ABR: variants seen among roughly 807,000 people sequenced by gnomAD.
The protein encoded by ABR is ABR activator of RhoGEF and GTPase.
Under a neutral mutation model 107.2 loss-of-function variants are expected in ABR, and 35 were observed. The ratio of observed to expected loss-of-function variants is 0.33; its 90% CI spans 0.25 to 0.43. The LOEUF (loss-of-function observed/expected upper bound fraction) is 0.43. ABR is among the 20% of genes least tolerant of loss of function. ABR has a pLI of 1.00. For synonymous variants in ABR, 498 were observed against 462.0 expected, an observed-to-expected ratio of 1.08 and a Z score of -1.00; for missense variants, 815 against 1,115.2, an observed-to-expected ratio of 0.73 and a Z score of 3.83.
chr17:1,105,052 AGGCTG>A (rs1386578825), intron 2 of ABR, among the ~76,000 whole-genome samples: 1 of 133,282 alleles, frequency 7.5e-6, no homozygotes, highest in Non-Finnish European at 1.5e-5. Flanking sequence ...TGTGTCACCC[AGGCTG>A]GAGTGCAGTG....
intron 13 of ABR, 86 bp downstream of exon 13, chr17:1,056,912 A>T (rs76519395): frequency 3.4e-6 from 3 of 875,590 alleles, no homozygotes; most frequent in Non-Finnish European, 3.8e-6. Context: ...TTACAGCCAC[A>T]TGTCTGTCTG....
chr17:1,136,795 G>A (rs1260503254), intron 1 of ABR, among the ~76,000 whole-genome samples: 1 of 152,168 alleles, frequency 6.6e-6, no homozygotes, highest in Non-Finnish European at 1.5e-5. Flanking sequence ...GAACGTTGTG[G>A]CTGGTTTGAT....
chr17:1,158,676 T>C (rs1401886994), intron 1 of ABR, among the ~76,000 whole-genome samples: 3 of 151,644 alleles, frequency 2.0e-5, no homozygotes, highest in Admixed American at 6.6e-5. Context: ...GGTAGGAGAA[T>C]TGCTTGAACC....
At chr17:1,168,642 G>A (rs2041600338) in intron 1 of ABR, among the ~76,000 whole-genome samples, 1 of 152,232 alleles carries the variant, frequency 6.6e-6, no homozygotes, top group Non-Finnish European at 1.5e-5. Context: ...GTCTAGCACA[G>A]CCACAGGCAG....
chr17:1,130,086 T>A (rs1409733380), intron 1 of ABR, among the ~76,000 whole-genome samples: 1 of 152,190 alleles, frequency 6.6e-6, no homozygotes, highest in East Asian at 1.9e-4. Context: ...GAATGGGTGT[T>A]CACTGTGAAT....
upstream of ABR, among the ~76,000 whole-genome samples, chr17:1,188,422 C>T (rs1025741744): frequency 2.6e-5 from 4 of 151,558 alleles, no homozygotes; most frequent in South Asian, 2.1e-4. Flanking sequence ...TGGTGGCGGG[C>T]GCCTGTAGTC....
At chr17:1,160,870 C>T (rs928428985) in intron 1 of ABR, among the ~76,000 whole-genome samples, 14 of 152,240 alleles carry the variant, frequency 9.2e-5, no homozygotes, top group African/African-American at 1.7e-4. Context: ...GGAACTTCAG[C>T]GATACGGAAA....
intron 1 of ABR, among the ~76,000 whole-genome samples, chr17:1,130,836 A>G (rs1244716836): frequency 6.6e-6 from 1 of 152,170 alleles, no homozygotes; most frequent in Non-Finnish European, 1.5e-5. Context: ...CCAACCAAGG[A>G]ATGCCTGGAG....
In ABR at chr17:1,072,594, G is replaced by A. The variant is rs180840886; in HGVS notation, c.894+20C>T. ...TACTTCTCAGCCTGGGTGAGGGGCC[G>A]TGCCGGGCTCTGAGCTCACCTCCCC... On this transcript the variant is annotated intron_variant, in intron 8 of 22. Transcript: ENST00000302538. The A allele has an allele frequency of 2.3e-5, 36 of 1,594,342 alleles. No individual in the cohort carries two copies. Among genetic ancestry groups the A allele is most frequent in the Middle Eastern group, 3.4e-4 (2 of 5,958 alleles).
In ABR at chr17:1,084,844, T is replaced by C. The variant is rs1268077278; in HGVS notation, c.532-1217A>G. 6.6e-6 allele frequency among the ~76,000 whole-genome samples: 1 copy of C among 152,208 alleles called. No homozygotes were observed. The highest frequency in any genetic ancestry group is 1.5e-5 in the Non-Finnish European group (1 of 68,036). On this transcript the variant is annotated intron_variant, in intron 4 of 22. Coordinates refer to ENST00000302538, the MANE Select transcript of ABR (RefSeq NM_021962.5). The surrounding 1 kb of genome is among the most constrained non-coding windows in gnomAD (Gnocchi z 4.2). ...TTGTTTTGAGATGGAGTTTCGCTCT[T>C]GTTGCCCAGGCTGCAGTACAGTGGT...
At chr17:1,166,272 CG>C (rs917188013) in intron 1 of ABR, among the ~76,000 whole-genome samples, 3 of 152,068 alleles carry the variant, frequency 2.0e-5, no homozygotes, top group African/African-American at 7.2e-5. Context: ...GGGCAGGCTG[CG>C]GCCCCATGCA....
chr17:1,196,154 G>T (rs549344564), intron 1 of ABR, among the ~76,000 whole-genome samples: 2 of 149,374 alleles, frequency 1.3e-5, no homozygotes, highest in South Asian at 4.2e-4. Context: ...AATAGGCAAG[G>T]TGCGGTGGCT....
intron 1 of ABR, among the ~76,000 whole-genome samples, chr17:1,173,794 C>G (rs1567858937): frequency 6.6e-6 from 1 of 152,184 alleles, no homozygotes; most frequent in East Asian, 1.9e-4. Flanking sequence ...GGTCTGATAC[C>G]CTGTTCCTGC....
intron 1 of ABR, among the ~76,000 whole-genome samples, chr17:1,163,379 T>C (rs114143102): frequency 2.8e-3 from 428 of 152,340 alleles, no homozygotes; most frequent in African/African-American, 1.0e-2. Context: ...GCTTGGCCTC[T>C]AGGAGCCAGG....
At position 1,005,509 on chromosome 17, in the gene ABR, G is replaced by A. The variant is rs1403653089; in HGVS notation, c.*571C>T. 10 of 222,150 alleles carry A rather than the reference G, an allele frequency of 4.5e-5. No homozygotes were observed. Among genetic ancestry groups the A allele is most frequent in the Non-Finnish European group, 8.7e-5 (10 of 114,326 alleles). 13.8% of individuals were successfully genotyped at this position (222,150 alleles called of 1,614,324 possible). A position where few individuals can be genotyped will look rare whatever the true frequency, so the allele number is the denominator to read the frequency against. ...CAGCATCAAACAGACCACTGCTGCC[G>A]CGGCAACCCAGGGCCTCTTCAGAGC... On this transcript the variant is annotated 3_prime_UTR_variant, in exon 23 of 23. Coordinates refer to ENST00000302538, the MANE Select transcript of ABR (RefSeq NM_021962.5).
chr17:1,106,926 TC>T (rs1269349198), intron 2 of ABR, among the ~76,000 whole-genome samples: 1 of 152,210 alleles, frequency 6.6e-6, no homozygotes, highest in East Asian at 1.9e-4. Context: ...CCTCTTGTCA[TC>T]TCTACAGTGC....
intron 2 of ABR, among the ~76,000 whole-genome samples, chr17:1,108,174 C>T (rs1225676393): frequency 6.6e-6 from 1 of 152,262 alleles, no homozygotes; most frequent in Non-Finnish European, 1.5e-5. Flanking sequence ...GAGGTGGAAG[C>T]TCTGAGAGGT....
intron 4 of ABR, among the ~76,000 whole-genome samples, chr17:1,090,130 G>A (rs958976509): frequency 6.6e-6 from 1 of 152,200 alleles, no homozygotes; most frequent in African/African-American, 2.4e-5. Flanking sequence ...GAGGCCAGAC[G>A]AGAGGGGGAA....
intron 16 of ABR, among the ~76,000 whole-genome samples, chr17:1,024,230 C>T (rs1272600007): frequency 2.6e-5 from 4 of 152,126 alleles, no homozygotes; most frequent in Admixed American, 6.5e-5. Context: ...TCAGTGGCGT[C>T]GTCGAGAAGA....
Sources: gnomAD v4.1 joint callset for allele counts (sites outside exome capture counted in the v4.1 genomes callset) on GRCh38, gnomAD v4.1.1 for gene constraint, Gnocchi (gnomAD v3.1) non-coding constraint, MANE v1.5 for transcripts, NCBI Gene and HGNC (gene_info 2026-07-23, HGNC 2026-07-21) for gene names.